PHF24: variants seen among roughly 807,000 people sequenced by gnomAD.
PHF24 encodes Galpha inhibitory interacting protein.
PHF24 carries 25 observed loss-of-function variants against 42.6 expected under a neutral mutation model. The observed-to-expected ratio is 0.59, with a 90% CI of 0.43 to 0.82. PHF24 has a LOEUF of 0.82. Ranked by LOEUF, PHF24 falls within the 40% of genes least tolerant of loss-of-function variation. The probability of loss-of-function intolerance (pLI) is 0.00; values close to 1 mark genes in which losing one functional copy is unlikely to be tolerated. For synonymous variants in PHF24, 185 were observed against 204.8 expected, an observed-to-expected ratio of 0.90 and a Z score of 0.83; for missense variants, 470 against 538.1, an observed-to-expected ratio of 0.87 and a Z score of 1.25.
the PHF24 span, chr9:34,834,910 G>T: frequency 4.9e-6 from 7 of 1,417,030 alleles, no homozygotes; most frequent in African/African-American, 1.2e-4. Flanking sequence ...GATCCTTCAA[G>T]GGGGGCTTGG....
the PHF24 span, among the ~76,000 whole-genome samples, chr9:34,897,897 T>TCCAACGTATCAGTGAGAACA: frequency 6.6e-6 from 1 of 152,192 alleles, no homozygotes; most frequent in Non-Finnish European, 1.5e-5. Context: ...ATAGCTTAGC[T>TCCAACGTATCAGTGAGAACA]CCAACGTATC....
the PHF24 span, chr9:34,709,525 C>G: frequency 6.2e-7 from 1 of 1,614,158 alleles, no homozygotes; most frequent in Non-Finnish European, 8.5e-7. Context: ...GAGCCCTTTC[C>G]TTTCTTGCCA....
chr9:34,845,647 G>T, the PHF24 span, among the ~76,000 whole-genome samples: 3 of 151,744 alleles, frequency 2.0e-5, no homozygotes, highest in Non-Finnish European at 4.4e-5. Context: ...TGTGCACAAT[G>T]TGCAGGTTAG....
the PHF24 span, among the ~76,000 whole-genome samples, chr9:34,887,609 G>A: frequency 6.6e-6 from 1 of 152,048 alleles, no homozygotes; most frequent in African/African-American, 2.4e-5. Context: ...TGGTTTACTC[G>A]CTTATCACCC....
At chr9:34,845,764 A>C in the PHF24 span, among the ~76,000 whole-genome samples, 3 of 93,466 alleles carry the variant, frequency 3.2e-5, no homozygotes, top group South Asian at 3.9e-4. Context: ...CCCACCCCAC[A>C]ACAGTCCCCA....
the PHF24 span, chr9:34,689,653 C>T: frequency 9.4e-6 from 7 of 743,380 alleles, no homozygotes; most frequent in South Asian, 5.1e-5. This position sits in a 1 kb window ranked among gnomAD's most constrained non-coding sequence, Gnocchi z 4.1. Context: ...CTCACCCTCT[C>T]GCTCACACTC....
the PHF24 span, among the ~76,000 whole-genome samples, chr9:34,893,468 G>A: frequency 2.0e-4 from 31 of 152,168 alleles, no homozygotes; most frequent in South Asian, 6.2e-3. Flanking sequence ...AGGCATGGTG[G>A]CGTATGCCTG....
At chr9:34,883,058 C>T in the PHF24 span, among the ~76,000 whole-genome samples, 8 of 152,092 alleles carry the variant, frequency 5.3e-5, no homozygotes, top group African/African-American at 1.2e-4. Context: ...GAAATAATGC[C>T]GCATATCTAC....
chr9:34,724,451 A>C, the PHF24 span: 2 of 1,551,552 alleles, frequency 1.3e-6, no homozygotes, highest in Non-Finnish European at 1.7e-6. Flanking sequence ...TAGACTTTCA[A>C]GAGACTTCTG....
intron 1 of PHF24, among the ~76,000 whole-genome samples, chr9:34,970,344 CA>C (rs1563931239): frequency 2.0e-5 from 3 of 152,020 alleles, no homozygotes; most frequent in African/African-American, 7.2e-5. Flanking sequence ...AGAATTAAAG[CA>C]GAAAATGTGG....
chr9:34,819,536 C>G, the PHF24 span, among the ~76,000 whole-genome samples: 1 of 151,942 alleles, frequency 6.6e-6, no homozygotes, highest in Non-Finnish European at 1.5e-5. Context: ...TTTTAATTCT[C>G]CTTTTGAGTG....
chr9:34,977,915 G>C (rs1013693403), intron 7 of PHF24, 100 bp from the exon 8 acceptor site: 6 of 926,348 alleles, frequency 6.5e-6, no homozygotes, highest in Non-Finnish European at 1.1e-5. Context: ...CAGGGCTCAC[G>C]CGTCTTCAAA....
chr9:34,813,010 C>G, the PHF24 span, among the ~76,000 whole-genome samples: 1 of 152,222 alleles, frequency 6.6e-6, no homozygotes, highest in African/African-American at 2.4e-5. Flanking sequence ...AAATCTGCCA[C>G]TCACATATAA....
chr9:34,768,641 G>T, the PHF24 span, among the ~76,000 whole-genome samples: 1 of 152,168 alleles, frequency 6.6e-6, no homozygotes, highest in African/African-American at 2.4e-5. Context: ...TAGAAGAAAA[G>T]CTATGACAAA....
At chr9:34,976,581 A>G in exon 5 of PHF24, 1 of 1,614,140 alleles carries the variant, frequency 6.2e-7, no homozygotes, top group Non-Finnish European at 8.5e-7. Flanking sequence ...GCCACCAAGC[A>G]GCCAAGCGGG....
At chr9:34,846,486 A>T in the PHF24 span, among the ~76,000 whole-genome samples, 6 of 151,894 alleles carry the variant, frequency 4.0e-5, no homozygotes, top group Non-Finnish European at 5.9e-5. Flanking sequence ...TTCATTGTAG[A>T]TGCTGGATAT....
chr9:34,802,462 C>T, the PHF24 span, among the ~76,000 whole-genome samples: 19 of 152,210 alleles, frequency 1.2e-4, no homozygotes, highest in African/African-American at 4.6e-4. Context: ...GTAATCCATC[C>T]CATGCATCAT....
At chr9:34,817,602 A>G in the PHF24 span, among the ~76,000 whole-genome samples, 9 of 152,052 alleles carry the variant, frequency 5.9e-5, no homozygotes, top group Non-Finnish European at 1.2e-4. Flanking sequence ...TATATTCTGA[A>G]TACAAGTTCT....
chr9:34,703,467 C>T, the PHF24 span, among the ~76,000 whole-genome samples: 4 of 152,054 alleles, frequency 2.6e-5, no homozygotes, highest in Non-Finnish European at 5.9e-5. Context: ...CTGCCCCCAG[C>T]CCATTATTTT....
Sources: gnomAD v4.1 joint callset for allele counts (sites outside exome capture counted in the v4.1 genomes callset) on GRCh38, gnomAD v4.1.1 for gene constraint, Gnocchi (gnomAD v3.1) non-coding constraint, MANE v1.5 for transcripts, NCBI Gene and HGNC (gene_info 2026-07-23, HGNC 2026-07-21) for gene names.